ESD: variants seen among roughly 807,000 people sequenced by gnomAD.
ESD encodes esterase D.
Under a neutral mutation model 38.1 loss-of-function variants are expected in ESD, and 34 were observed. That is an observed-to-expected ratio of 0.89 (90% CI 0.68 to 1.19). The LOEUF (loss-of-function observed/expected upper bound fraction) is 1.19. ESD is among the 50% of genes most tolerant of loss of function. The probability of loss-of-function intolerance (pLI) is 0.00; values close to 1 mark genes in which losing one functional copy is unlikely to be tolerated. For missense variants in ESD, 334 were observed against 327.2 expected (o/e 1.02, Z -0.16); for synonymous variants, 97 against 107.0 (o/e 0.91, Z 0.58).
rs112204019 is a variant in ESD, at chr13:46,782,880, T to C, written c.257-89A>G. ...CTTTCAGATGAATCTGCAAGTCCAT[T>C]TGCATGGGAACTGTTCACCAAATGT... On this transcript the variant is annotated intron_variant, in intron 5 of 9. Coordinates refer to ENST00000378720, the MANE Select transcript of ESD (RefSeq NM_001984.2). 4.7e-6 allele frequency: 7 copies of C among 1,489,570 alleles called. No individual in the cohort carries two copies. The African/African-American group carries it at 6.9e-5, about 15-fold the overall frequency. The allele number at this position is 1,489,570 out of a possible 1,614,324, so 92.3% of individuals were successfully genotyped here.
At chr13:46,775,649 GA>G (rs751392073) in intron 9 of ESD, 74 of 470,490 alleles carry the variant, frequency 1.6e-4, no homozygotes, top group Non-Finnish European at 2.7e-4. Context: ...GAATCTCAAC[GA>G]AATCCGCTTC....
chr13:46,781,542 C>T lies in ESD; in HGVS notation c.455G>A (p.Gly152Asp), dbSNP rs770666625. 6.2e-7 allele frequency: 1 copy of T among 1,607,346 alleles called. No homozygotes were observed. Among genetic ancestry groups the T allele is most frequent in the Admixed American group, 1.7e-5 (1 of 59,730 alleles). Residue 152 changes from glycine (G) to aspartate (D), a missense_variant, in exon 7 of 10, where the codon GGT becomes GAT. By Grantham distance (94) the Gly-to-Asp change is moderately conservative. Coordinates refer to ENST00000378720, the MANE Select transcript of ESD (RefSeq NM_001984.2). ...CAAAGCACAGATCAGAGCTCCATGA[C>T]CTCCCATGGAGTGGCCAAAAATAGA... Reference protein sequence around the residue: ...RMSIFGHSMGGHGALICALKN... With the variant: ...RMSIFGHSMGDHGALICALKN...
In ESD at chr13:46,782,791, C is replaced by T; in HGVS notation, c.257G>A (p.Arg86His). Residue 86 changes from arginine to histidine, a missense_variant and splice_region_variant, in exon 6 of 10, where the codon CGT (arginine) becomes CAT (histidine). Transcript: ENST00000378720. ...LVVIAPDTSP[R>H]GCNIKGEDES... ...ATCTTCACCTTTAATATTGCAGCCACCTATCAAGAAACAATCTTGTGGTTT... is the reference window on the plus strand; with the variant it reads ...ATCTTCACCTTTAATATTGCAGCCATCTATCAAGAAACAATCTTGTGGTTT... 1.9e-6 allele frequency: 3 copies of T among 1,611,882 alleles called. No homozygotes were observed. Among genetic ancestry groups the T allele is most frequent in the East Asian group, 2.2e-5 (1 of 44,836 alleles).
At chr13:46,773,839 G>A (rs1874696232) in intron 9 of ESD, among the ~76,000 whole-genome samples, 1 of 152,172 alleles carries the variant, frequency 6.6e-6, no homozygotes, top group Non-Finnish European at 1.5e-5. Context: ...CTGGCTAGTT[G>A]AATTTAGAGC....
At chr13:46,781,063 A>G (rs760462989) in intron 7 of ESD, among the ~76,000 whole-genome samples, 1 of 151,782 alleles carries the variant, frequency 6.6e-6, no homozygotes, top group African/African-American at 2.4e-5. Flanking sequence ...GGCATTAAGA[A>G]CACAATTCTT....
chr13:46,796,774 C>T (rs1875596639), intron 1 of ESD, among the ~76,000 whole-genome samples: 1 of 152,228 alleles, frequency 6.6e-6, no homozygotes, highest in Non-Finnish European at 1.5e-5. Flanking sequence ...CATTTTCGCG[C>T]GGTGGCTGCG....
intron 3 of ESD, chr13:46,790,533 C>T (rs1875360080): frequency 6.6e-6 from 1 of 152,168 alleles, no homozygotes; most frequent in African/African-American, 2.4e-5. Flanking sequence ...TGCAGTATCA[C>T]AATCCCACTA....
chr13:46,784,528 C>T (rs914784570), intron 4 of ESD, among the ~76,000 whole-genome samples, 178 bp from the exon 5 acceptor site: 1 of 151,832 alleles, frequency 6.6e-6, no homozygotes, highest in Non-Finnish European at 1.5e-5. Context: ...CTCCATGTCA[C>T]GCAATACGCT....
Position 46,771,411 on chromosome 13 carries a change from T to C in ESD, c.*5A>G. ...CCTGAAGAGATTCTCTTATTTGGAG[T>C]TTTTTCATGCATTCAGGTATTTAGC... is the stretch of plus-strand genomic sequence containing the variant. On this transcript the variant is annotated 3_prime_UTR_variant, in exon 10 of 10. Transcript: ENST00000378720. 6.3e-7 allele frequency: 1 copy of C among 1,579,028 alleles called. No individual in the cohort carries two copies. Among genetic ancestry groups the C allele is most frequent in the East Asian group, 2.3e-5 (1 of 44,314 alleles).
chr13:46,775,664 C>G (rs1874771877), intron 9 of ESD: 1 of 470,654 alleles, frequency 2.1e-6, no homozygotes. Flanking sequence ...CCGCTTCAAG[C>G]TATGTAGTCC....
rs150582830 is a variant in ESD at position 46,784,957 on chromosome 13, G to A, written c.158-607C>T. On this transcript the variant is annotated intron_variant, in intron 4 of 9. Coordinates refer to ENST00000378720, the MANE Select transcript of ESD (RefSeq NM_001984.2). ...TTATCAAATATGCTAATTAAACATC[G>A]CACTATTTCTGCACCAAAACATATT... Among the ~76,000 whole-genome samples the A allele has an allele frequency of 2.2e-3, 328 of 151,950 alleles. 1 individual carries two copies. The highest frequency in any genetic ancestry group is 7.4e-3 in the African/African-American group (308 of 41,490).
chr13:46,777,580 T>G lies in ESD; in HGVS notation c.644A>C (p.Gln215Pro), dbSNP rs751424461. 6.2e-6 allele frequency: 10 copies of G among 1,610,268 alleles called. No homozygotes were observed. The South Asian group carries it at 1.1e-4, about 18-fold the overall frequency. ...THLVKSYPGS[Q>P]LDILIDQGKD... ...CCCTTGATCAATTAGTATGTCCAGC[T>G]GAGATCCTGGATAGGATTTCACAAG... The change falls in exon 9 of 10, where the codon CAG (glutamine) becomes CCG (proline). Residue 215 changes from glutamine (Q) to proline (P), a missense_variant. Transcript: ENST00000378720.
Position 46,791,367 on chromosome 13 carries a change from T to C in ESD, c.47A>G (p.Gln16Arg), listed in dbSNP as rs1335011252. The change falls in exon 3 of 10, where the codon CAG becomes CGG. Residue 16 changes from glutamine (Q) to arginine (R), a missense_variant. Gln to Arg is a conservative substitution (Grantham distance 43, BLOSUM62 1). Coordinates refer to ENST00000378720, the MANE Select transcript of ESD (RefSeq NM_001984.2). ...TTACCTGTCATGTTCAAAAACTTTC[T>C]GCAATCCCCCAAAGCACTTGTTGCT... ...ISSNKCFGGL[Q>R]KVFEHDSVEL... 5 of 1,612,894 alleles carry C rather than the reference T, an allele frequency of 3.1e-6. No individual in the cohort carries two copies. In the Admixed American group the frequency reaches 5.0e-5, roughly 16 times the overall value.
intron 5 of ESD, 88 bp from the exon 6 acceptor site, chr13:46,782,879 T>C (rs1875058462): frequency 6.7e-7 from 1 of 1,481,482 alleles, no homozygotes; most frequent in Non-Finnish European, 9.2e-7. Context: ...TGCAAGTCCA[T>C]TTGCATGGGA....
At chr13:46,788,806 T>G (rs1261919844) in intron 3 of ESD, among the ~76,000 whole-genome samples, 2 of 152,078 alleles carry the variant, frequency 1.3e-5, no homozygotes, top group East Asian at 3.9e-4. Context: ...GTGGTCACTC[T>G]GCATGTATCA....
At chr13:46,796,108 A>G (rs1277031031) in intron 1 of ESD, among the ~76,000 whole-genome samples, 2 of 152,184 alleles carry the variant, frequency 1.3e-5, no homozygotes, top group Non-Finnish European at 2.9e-5. Flanking sequence ...TTGGTCCCAG[A>G]TTATTTTTCT....
At chr13:46,782,000 A>G (rs1466240446) in intron 6 of ESD, among the ~76,000 whole-genome samples, 7 of 151,900 alleles carry the variant, frequency 4.6e-5, no homozygotes, top group African/African-American at 9.7e-5. Context: ...ATACAAAACC[A>G]TAAGTATTCT....
At chr13:46,797,514 A>G (rs1269049881), upstream of ESD, among the ~76,000 whole-genome samples, 1 of 152,144 alleles carries the variant, frequency 6.6e-6, no homozygotes, top group African/African-American at 2.4e-5. Context: ...TAACTCGTGC[A>G]GAGGGTTTCC....
chr13:46,784,083 T>C (rs746478302), intron 5 of ESD, among the ~76,000 whole-genome samples, 169 bp downstream of exon 5: 18 of 151,950 alleles, frequency 1.2e-4, no homozygotes, highest in Non-Finnish European at 1.8e-4. Context: ...TAAAATTCAA[T>C]GAGGAAAATG....
Sources: gnomAD v4.1 joint callset for allele counts (sites outside exome capture counted in the v4.1 genomes callset) on GRCh38, gnomAD v4.1.1 for gene constraint, MANE v1.5 for transcripts, NCBI Gene and HGNC (gene_info 2026-07-23, HGNC 2026-07-21) for gene names.